Variants in KIAA1549L observed in about 807,000 individuals in gnomAD.
The protein encoded by KIAA1549L is KIAA1549 like.
In KIAA1549L, 88 loss-of-function variants were observed where a neutral mutation model predicts 160.7. The ratio of observed to expected loss-of-function variants is 0.55; its 90% CI spans 0.46 to 0.65. The LOEUF (loss-of-function observed/expected upper bound fraction) is 0.65, where lower values mean the gene tolerates loss of function less well. KIAA1549L is among the 30% of genes least tolerant of loss of function. The pLI, the probability that KIAA1549L is intolerant of heterozygous loss-of-function variation, is 0.00. For missense variants in KIAA1549L, 2,258 were observed against 2,437.5 expected, an observed-to-expected ratio of 0.93 and a Z score of 1.55; for synonymous variants, 950 against 976.7, an observed-to-expected ratio of 0.97 and a Z score of 0.51.
At chr11:33,409,084 T>C (rs1850734516) in intron 1 of KIAA1549L, among the ~76,000 whole-genome samples, 1 of 151,976 alleles carries the variant, frequency 6.6e-6, no homozygotes, top group African/African-American at 2.4e-5. Flanking sequence ...TGAATGATGC[T>C]AGAGGGAGGG....
intron 1 of KIAA1549L, among the ~76,000 whole-genome samples, chr11:33,514,768 A>G (rs923438983): frequency 1.3e-5 from 2 of 152,188 alleles, no homozygotes; most frequent in African/African-American, 2.4e-5. Flanking sequence ...AAGCAAATGG[A>G]TGCCATGTTT....
At chr11:33,454,072 C>T (rs1851773941) in intron 1 of KIAA1549L, among the ~76,000 whole-genome samples, 1 of 152,172 alleles carries the variant, frequency 6.6e-6, no homozygotes, top group Admixed American at 6.5e-5. Flanking sequence ...GCATGCGATC[C>T]CTTTCAGCAG....
At chr11:33,604,164 C>T (rs1043677557) in intron 13 of KIAA1549L, among the ~76,000 whole-genome samples, 1 of 152,158 alleles carries the variant, frequency 6.6e-6, no homozygotes, top group South Asian at 2.1e-4. Flanking sequence ...TTATTATCTA[C>T]ATTTATTATC....
chr11:33,523,308 C>T (rs912185033), intron 1 of KIAA1549L, among the ~76,000 whole-genome samples: 1 of 152,186 alleles, frequency 6.6e-6, no homozygotes, highest in African/African-American at 2.4e-5. Context: ...ATAAAACTTT[C>T]GTTTACCACA....
chr11:33,430,041 T>TCCTCCCTTCCTTCCTC (rs1554976198), intron 1 of KIAA1549L, among the ~76,000 whole-genome samples: 1,725 of 140,488 alleles, frequency 0.012, 49 homozygotes, highest in African/African-American at 0.045. Context: ...CTTCCTTCCT[T>TCCTCCCTTCCTTCCTC]CCTTCCTCCC....
At chr11:33,495,928 T>C (rs183118435) in intron 1 of KIAA1549L, among the ~76,000 whole-genome samples, 1 of 152,182 alleles carries the variant, frequency 6.6e-6, no homozygotes, top group East Asian at 1.9e-4. Flanking sequence ...ATGTCTTCTT[T>C]TGAGAAGTGT....
intron 1 of KIAA1549L, among the ~76,000 whole-genome samples, chr11:33,393,070 G>A (rs1370409520): frequency 6.6e-6 from 1 of 152,094 alleles, no homozygotes; most frequent in African/African-American, 2.4e-5. Flanking sequence ...CAAACCTTTT[G>A]TCGGCTCTTC....
chr11:33,661,013 C>T lies in KIAA1549L; in HGVS notation c.6158C>T (p.Ser2053Leu), dbSNP rs1205996425. Reference sequence around the variant, plus strand: ...GAGCTCCCGAGCCAGTGGGCAGATTCGGTGAGACCCTTGCTCTTCACCTCA... The same window carrying T: ...GAGCTCCCGAGCCAGTGGGCAGATTTGGTGAGACCCTTGCTCTTCACCTCA... The part of the protein sequence containing the change: ...ENELPSQWAD[S>L]VPLPGYIEAY... Residue 2053 changes from serine (S) to leucine (L), a missense_variant and splice_region_variant, in exon 20 of 21, where the codon TCG (serine) becomes TTG (leucine). Physicochemically the swap from Ser to Leu is moderately radical, Grantham distance 145 (BLOSUM62 -2). This residue lies in a region of KIAA1549L where 1,359 missense variants were observed against 1,546.6 expected (regional missense o/e 0.88). Coordinates refer to ENST00000658780, the MANE Select transcript of KIAA1549L (RefSeq NM_012194.3). The T allele has an allele frequency of 8.7e-6, 14 of 1,607,138 alleles. No individual in the cohort carries two copies. The highest frequency in any genetic ancestry group is 1.1e-5 in the South Asian group (1 of 89,630).
chr11:33,596,457 C>T (rs988862023), intron 12 of KIAA1549L, among the ~76,000 whole-genome samples: 11 of 152,266 alleles, frequency 7.2e-5, no homozygotes, highest in Non-Finnish European at 1.3e-4. Flanking sequence ...ACCATTCAGG[C>T]CAGGCTCGGT....
chr11:33,421,872 T>G (rs1368743132), intron 1 of KIAA1549L, among the ~76,000 whole-genome samples: 4 of 152,132 alleles, frequency 2.6e-5, no homozygotes. Context: ...GATTGCTGGA[T>G]CCCCTCATGG....
intron 1 of KIAA1549L, among the ~76,000 whole-genome samples, chr11:33,520,684 A>AACACACACACACACACACACACAC (rs60029190): frequency 7.1e-5 from 6 of 84,798 alleles, no homozygotes; most frequent in Admixed American, 6.5e-4. Context: ...CCCCACCCCC[A>AACACACACACACACACACACACAC]ACACACACAC....
At chr11:33,527,840 A>G (rs573926061) in intron 1 of KIAA1549L, among the ~76,000 whole-genome samples, 189 of 152,344 alleles carry the variant, frequency 1.2e-3, no homozygotes, top group African/African-American at 4.1e-3. Flanking sequence ...ACAAATGGTA[A>G]TATGGTTTGG....
At chr11:33,487,856 C>T (rs1429737185) in intron 1 of KIAA1549L, among the ~76,000 whole-genome samples, 1 of 152,090 alleles carries the variant, frequency 6.6e-6, no homozygotes, top group African/African-American at 2.4e-5. Flanking sequence ...GGAGTAAGAA[C>T]TTTGTGTCTT....
intron 1 of KIAA1549L, among the ~76,000 whole-genome samples, chr11:33,465,031 G>A (rs539604292): frequency 4.9e-5 from 7 of 143,840 alleles, no homozygotes; most frequent in African/African-American, 1.8e-4. Flanking sequence ...CATTCAACTC[G>A]CATGGGACCT....
At chr11:33,667,735 T>C in intron 20 of KIAA1549L, 138 bp from the exon 21 acceptor site, 1 of 702,028 alleles carries the variant, frequency 1.4e-6, no homozygotes, top group South Asian at 1.9e-5. Context: ...ATCTATACAA[T>C]GGTATGTGGC....
Position 33,656,079 on chromosome 11 carries a change from C to G in KIAA1549L, c.5828C>G (p.Thr1943Ser). 1 of 1,613,832 alleles carries G rather than the reference C, an allele frequency of 6.2e-7. No homozygotes were observed. The highest frequency in any genetic ancestry group is 8.5e-7 in the Non-Finnish European group (1 of 1,179,760). ...GSPPPPVPPRTGPVAVASLRR... is the reference protein window; with the variant it reads ...GSPPPPVPPRSGPVAVASLRR... ...CCGCCTCCACCCGTACCTCCCCGGACTGGTCCTGTGGCTGTCGCTTCTCTC... is the reference window on the plus strand; with the variant it reads ...CCGCCTCCACCCGTACCTCCCCGGAGTGGTCCTGTGGCTGTCGCTTCTCTC... Residue 1943 changes from threonine to serine, a missense_variant, in exon 18 of 21, where the codon ACT (threonine) becomes AGT (serine). By Grantham distance (58) the Thr-to-Ser change is moderately conservative. Coordinates refer to ENST00000658780, the MANE Select transcript of KIAA1549L (RefSeq NM_012194.3).
At chr11:33,621,044 C>T (rs1850946355) in intron 16 of KIAA1549L, among the ~76,000 whole-genome samples, 2 of 152,196 alleles carry the variant, frequency 1.3e-5, no homozygotes, top group Admixed American at 1.3e-4. Flanking sequence ...CCAGTCCTTT[C>T]TGCCAGGTTG....
At chr11:33,589,846 G>C (rs1275271104) in intron 11 of KIAA1549L, among the ~76,000 whole-genome samples, 1 of 152,096 alleles carries the variant, frequency 6.6e-6, no homozygotes, top group Non-Finnish European at 1.5e-5. Flanking sequence ...CACCAACGTG[G>C]CACATGTATA....
intron 15 of KIAA1549L, among the ~76,000 whole-genome samples, chr11:33,616,776 TG>T (rs1444896327): frequency 6.6e-6 from 1 of 152,040 alleles, no homozygotes; most frequent in African/African-American, 2.4e-5. Context: ...ACATAGTCAC[TG>T]GGAAGAAATA....
Sources: allele counts gnomAD v4.1 joint callset (sites outside exome capture counted in the v4.1 genomes callset), GRCh38; gene constraint gnomAD v4.1.1; regional missense constraint gnomAD v4.1.1; transcripts MANE v1.5; gene names NCBI Gene and HGNC (gene_info 2026-07-23, HGNC 2026-07-21).